CACNA2D3: variants seen among roughly 807,000 people sequenced by gnomAD.
CACNA2D3 encodes voltage-dependent calcium channel subunit alpha-2/delta-3.
CACNA2D3 carries 60 observed loss-of-function variants against 160.6 expected under a neutral mutation model. The observed-to-expected ratio is 0.37, with a 90% CI of 0.30 to 0.46. The LOEUF (loss-of-function observed/expected upper bound fraction) is 0.46. Among genes scored for constraint, CACNA2D3 ranks in the 20% least tolerant of loss-of-function variants. The probability of loss-of-function intolerance (pLI) is 1.00; values close to 1 mark genes in which losing one functional copy is unlikely to be tolerated. For missense variants in CACNA2D3, 1,205 were observed against 1,365.0 expected, an observed-to-expected ratio of 0.88 and a Z score of 1.85; for synonymous variants, 558 against 492.9, an observed-to-expected ratio of 1.13 and a Z score of -1.75.
chr3:54,444,970 C>T (rs1327805196), intron 4 of CACNA2D3, among the ~76,000 whole-genome samples: 1 of 152,368 alleles, frequency 6.6e-6, no homozygotes, highest in Non-Finnish European at 1.5e-5. Flanking sequence ...TACCCTCTCC[C>T]AACCCCCTTA....
chr3:55,021,998 G>A (rs543305462), intron 35 of CACNA2D3, among the ~76,000 whole-genome samples: 44 of 152,074 alleles, frequency 2.9e-4, no homozygotes, highest in East Asian at 1.2e-3. Flanking sequence ...ATCAATGTGC[G>A]TCCTTTGGAC....
intron 14 of CACNA2D3, among the ~76,000 whole-genome samples, chr3:54,831,881 C>G (rs1703885830): frequency 6.6e-6 from 1 of 152,108 alleles, no homozygotes; most frequent in Non-Finnish European, 1.5e-5. Context: ...CTTATTGGCT[C>G]AGGCAACCCC....
At chr3:54,176,850 G>A (rs1700689573) in intron 2 of CACNA2D3, among the ~76,000 whole-genome samples, 1 of 152,044 alleles carries the variant, frequency 6.6e-6, no homozygotes, top group Admixed American at 6.5e-5. Context: ...GGTTGGGGTT[G>A]GGGGAGTGCT....
chr3:54,378,235 T>C (rs577389771), intron 3 of CACNA2D3, among the ~76,000 whole-genome samples: 2 of 152,342 alleles, frequency 1.3e-5, no homozygotes, highest in Non-Finnish European at 2.9e-5. Flanking sequence ...GAGGGATAGC[T>C]TTGGGATGAG....
chr3:54,874,586 A>G (rs1699616121), intron 18 of CACNA2D3: 1 of 152,204 alleles, frequency 6.6e-6, no homozygotes, highest in Non-Finnish European at 1.5e-5. Flanking sequence ...CTTCCTGTAC[A>G]CCAGTACCAT....
At chr3:54,386,897 C>A in intron 4 of CACNA2D3, 123 bp downstream of exon 4, 1 of 853,928 alleles carries the variant, frequency 1.2e-6, no homozygotes, top group Non-Finnish European at 1.8e-6. Flanking sequence ...GAGGATGGTA[C>A]TGAGTTGGAA....
chr3:54,763,148 A>T (rs1409881038), intron 12 of CACNA2D3, among the ~76,000 whole-genome samples: 1 of 152,046 alleles, frequency 6.6e-6, no homozygotes, highest in Non-Finnish European at 1.5e-5. Flanking sequence ...AAAAGGCAGC[A>T]CTGGGGACCA....
intron 3 of CACNA2D3, among the ~76,000 whole-genome samples, chr3:54,343,214 T>C (rs1698394325): frequency 1.3e-5 from 2 of 152,194 alleles, no homozygotes; most frequent in African/African-American, 4.8e-5. Context: ...AGGAGATTGT[T>C]AAATGCAAAT....
At chr3:54,198,812 G>A (rs7617542) in intron 2 of CACNA2D3, among the ~76,000 whole-genome samples, 55,801 of 152,236 alleles carry the variant, frequency 0.37, 13,125 homozygotes, top group African/African-American at 0.65. Context: ...GACGCTGAGT[G>A]CACAGGTCTG....
chr3:54,963,465 T>A (rs941841243), intron 27 of CACNA2D3, among the ~76,000 whole-genome samples: 1 of 152,224 alleles, frequency 6.6e-6, no homozygotes, highest in Non-Finnish European at 1.5e-5. Context: ...TACGGAGCAC[T>A]TGACATCTAA....
chr3:54,296,619 A>G (rs939353534), intron 2 of CACNA2D3, among the ~76,000 whole-genome samples: 3 of 152,184 alleles, frequency 2.0e-5, no homozygotes, highest in Non-Finnish European at 4.4e-5. Context: ...ACACGATATG[A>G]TATAGAGGCC....
chr3:54,639,381 C>G (rs910466862), intron 10 of CACNA2D3: 9 of 152,442 alleles, frequency 5.9e-5, no homozygotes, highest in African/African-American at 2.2e-4. Context: ...AGAGGCGTCC[C>G]TGCAATGATT....
At chr3:55,071,339 G>C (rs1704800227) in intron 35 of CACNA2D3, among the ~76,000 whole-genome samples, 2 of 152,042 alleles carry the variant, frequency 1.3e-5, no homozygotes, top group Admixed American at 1.3e-4. Context: ...ATTGTGATTG[G>C]TAATAATTTT....
intron 2 of CACNA2D3, among the ~76,000 whole-genome samples, chr3:54,165,198 G>T (rs1465740696): frequency 6.6e-6 from 1 of 151,166 alleles, no homozygotes; most frequent in Non-Finnish European, 1.5e-5. Context: ...TGTGTGGGGG[G>T]ACAGTTCTTT....
rs972874743 is a variant in CACNA2D3, at chr3:54,293,345, C to T, written c.205-27097C>T. On this transcript the variant is annotated intron_variant, in intron 2 of 37. Coordinates refer to ENST00000474759, the MANE Select transcript of CACNA2D3 (RefSeq NM_018398.3). ...ACCCGATGTGTAGTCTTTTATCCCT[C>T]ACCCACCTTACAACCTTTCCCCAGA... is the stretch of plus-strand genomic sequence containing the variant. Among the ~76,000 whole-genome samples, 71 of 152,124 alleles carry T rather than the reference C, an allele frequency of 4.7e-4. 1 individual carries two copies. The highest frequency in any genetic ancestry group is 2.0e-4 in the Admixed American group (3 of 15,268).
intron 21 of CACNA2D3, among the ~76,000 whole-genome samples, chr3:54,883,782 T>A (rs1021291589): frequency 1.3e-5 from 2 of 150,472 alleles, no homozygotes; most frequent in African/African-American, 5.0e-5. Context: ...TTTCCTGACC[T>A]CCATAGTTAC....
At chr3:54,853,538 G>A (rs1398741059) in intron 17 of CACNA2D3, among the ~76,000 whole-genome samples, 1 of 152,118 alleles carries the variant, frequency 6.6e-6, no homozygotes, top group Non-Finnish European at 1.5e-5. Context: ...TTGCCTGCAA[G>A]CATTCATCAG....
chr3:54,223,990 C>A (rs1701622052), intron 2 of CACNA2D3, among the ~76,000 whole-genome samples: 1 of 152,078 alleles, frequency 6.6e-6, no homozygotes, highest in South Asian at 2.1e-4. Context: ...TATTGTACAG[C>A]TGTAAAAAAT....
At chr3:54,961,099 C>T (rs973456365) in intron 27 of CACNA2D3, among the ~76,000 whole-genome samples, 3 of 152,184 alleles carry the variant, frequency 2.0e-5, no homozygotes, top group Non-Finnish European at 4.4e-5. Flanking sequence ...ACAAACGTGG[C>T]TTGGGTAATG....
Sources: allele counts gnomAD v4.1 joint callset (sites outside exome capture counted in the v4.1 genomes callset), GRCh38; gene constraint gnomAD v4.1.1; transcripts MANE v1.5; gene names NCBI Gene and HGNC (gene_info 2026-07-23, HGNC 2026-07-21).